CALHM4: variants seen among roughly 807,000 people sequenced by gnomAD.
CALHM4 encodes the protein calcium homeostasis modulator protein 4.
A neutral mutation model predicts 13.3 loss-of-function variants in CALHM4; 16 were observed. The ratio of observed to expected loss-of-function variants is 1.20; its 90% CI spans 0.81 to 1.82. The LOEUF is 1.82. Ranked by LOEUF, CALHM4 falls within the 40% of genes most tolerant of loss-of-function variation. The pLI is 0.00. For synonymous variants in CALHM4, 127 were observed against 137.1 expected, an observed-to-expected ratio of 0.93 and a Z score of 0.52; for missense variants, 344 against 374.9, an observed-to-expected ratio of 0.92 and a Z score of 0.68.
At chr6:116,540,581 A>C in intron 1 of CALHM4, 1 of 977,580 alleles carries the variant, frequency 1.0e-6, no homozygotes, top group Non-Finnish European at 1.5e-6. Context: ...ATCAAACCAA[A>C]TATGACGAGT....
intron 1 of CALHM4, among the ~76,000 whole-genome samples, chr6:116,541,675 TTAAC>T (rs1161496899): frequency 6.6e-6 from 1 of 152,212 alleles, no homozygotes; most frequent in Non-Finnish European, 1.5e-5. Context: ...GCAAAGACTT[TTAAC>T]AATCAAAATG....
chr6:116,538,579 T>C (rs1043812467), intron 1 of CALHM4, among the ~76,000 whole-genome samples: 2 of 152,228 alleles, frequency 1.3e-5, no homozygotes, highest in African/African-American at 2.4e-5. Flanking sequence ...GTCTCCAAAT[T>C]GCCCTTGAAA....
chr6:116,550,417 G>C (rs1277724670), upstream of CALHM4, among the ~76,000 whole-genome samples: 1 of 151,954 alleles, frequency 6.6e-6, no homozygotes, highest in Non-Finnish European at 1.5e-5. Context: ...GAAGTGCCAG[G>C]GTAATTTTCC....
intron 1 of CALHM4, chr6:116,543,364 C>A: frequency 6.5e-7 from 1 of 1,549,878 alleles, no homozygotes. Flanking sequence ...AGCTGGGCAA[C>A]CAGAGCTCCA....
chr6:116,541,364 T>C (rs1282691653), intron 1 of CALHM4, among the ~76,000 whole-genome samples: 1 of 152,154 alleles, frequency 6.6e-6, no homozygotes, highest in Non-Finnish European at 1.5e-5. Flanking sequence ...TCAAAATTGG[T>C]CTTTTAATTT....
rs563216663 is a variant in CALHM4, at chr6:116,541,930, A to AT, written c.-108-1828dup. On this transcript the variant is annotated intron_variant, in intron 1 of 2. Coordinates refer to the CALHM4 transcript ENST00000368597. ...AGCTATTAAGGAAATCTAAATGTGA[A>AT]TTTTTTTCTTAAGGAAAGATCTTTC... Among the ~76,000 whole-genome samples the AT allele has an allele frequency of 1.4e-3, 209 of 152,220 alleles. 1 individual carries two copies. Among genetic ancestry groups the AT allele is most frequent in the African/African-American group, 4.4e-3 (184 of 41,556 alleles).
intron 1 of CALHM4, among the ~76,000 whole-genome samples, chr6:116,557,230 C>T (rs867035193): frequency 6.6e-6 from 1 of 152,132 alleles, no homozygotes; most frequent in South Asian, 2.1e-4. Context: ...AGCCACCACA[C>T]CCAGCCAACT....
At chr6:116,548,290 C>T (rs1773900565) in intron 2 of CALHM4, among the ~76,000 whole-genome samples, 1 of 152,154 alleles carries the variant, frequency 6.6e-6, no homozygotes, top group Non-Finnish European at 1.5e-5. Context: ...ATGCCAGCAC[C>T]TTGATCTTGT....
chr6:116,544,151 A>AAGAGAGAGAGAGAGAG (rs141606346), intron 2 of CALHM4, among the ~76,000 whole-genome samples: 4,930 of 132,466 alleles, frequency 0.037, 169 homozygotes, highest in Admixed American at 0.077. Flanking sequence ...AAAGGTGAAG[A>AAGAGAGAGAGAGAGAG]AGAGAGAGAG....
Position 116,554,365 on chromosome 6 carries a change from A to T in CALHM4, c.558+14A>T, listed in dbSNP as rs1327617315. 2.7e-6 allele frequency: 4 copies of T among 1,508,884 alleles called. No individual in the cohort carries two copies. Among genetic ancestry groups the T allele is most frequent in the Non-Finnish European group, 3.5e-6 (4 of 1,131,044 alleles). 93.5% of individuals were successfully genotyped at this position (1,508,884 alleles called of 1,614,324 possible). A position where few individuals can be genotyped will look rare whatever the true frequency, so the allele number is the denominator to read the frequency against. On this transcript the variant is annotated intron_variant, in intron 1 of 1. Coordinates refer to ENST00000368596, the MANE Select transcript of CALHM4 (RefSeq NM_001366078.2). ...TACCAGTCACAGGTAAGTTTTTAGA[A>T]TTTTTTTCCCTCTGCTATGTTATCC...
chr6:116,534,576 C>T (rs1772955797), intron 1 of CALHM4, among the ~76,000 whole-genome samples: 1 of 152,128 alleles, frequency 6.6e-6, no homozygotes, highest in African/African-American at 2.4e-5. Context: ...AAAAATTCCC[C>T]CTGCTATTCT....
chr6:116,543,755 A>G lies in CALHM4; in HGVS notation c.-108-10A>G, dbSNP rs573709628. ...TGTTTTTCTAAAATATATGCCATCC[A>G]TGTTTTCAGTTGGAAGCAAGAATTG... On this transcript the variant is annotated splice_polypyrimidine_tract_variant and intron_variant, in intron 1 of 2. Transcript: ENST00000368597. 8.0e-6 allele frequency: 11 copies of G among 1,366,772 alleles called. No individual in the cohort carries two copies. In the African/African-American group the frequency reaches 1.2e-4, roughly 14 times the overall value. 84.7% of individuals were successfully genotyped at this position (1,366,772 alleles called of 1,614,324 possible).
exon 2 of CALHM4, chr6:116,543,860 T>C (rs1294481872): frequency 1.4e-5 from 22 of 1,533,708 alleles, no homozygotes; most frequent in Non-Finnish European, 1.7e-5. Context: ...AACCCAAATG[T>C]AGCAGCAAAT....
Position 116,545,478 on chromosome 6 carries a change from T to A in CALHM4, c.-1+1606T>A, listed in dbSNP as rs555972866. On this transcript the variant is annotated intron_variant, in intron 2 of 2. Coordinates refer to the CALHM4 transcript ENST00000368597. ...TCTTTGTAGAAAGATCTTACTATTT[T>A]ATGGTATTCTGGTCTTCGGTGTGCA... 1.2e-5 allele frequency: 18 copies of A among 1,546,582 alleles called. No homozygotes were observed. In the South Asian group the frequency reaches 2.2e-4, roughly 19 times the overall value.
chr6:116,533,671 G>A (rs1472451953), intron 1 of CALHM4, among the ~76,000 whole-genome samples: 2 of 152,200 alleles, frequency 1.3e-5, no homozygotes, highest in Non-Finnish European at 2.9e-5. Context: ...TGCCCTACTT[G>A]TAACGCTAGA....
Position 116,554,009 on chromosome 6 carries a change from C to A in CALHM4, c.216C>A (p.Ser72Arg), listed in dbSNP as rs1774196047. ...TCGTTGCTGGCTTTGCTCTGAGAAG[C>A]CAAATGTGGACAATTACCGGTGAAT... ...ILLVAGFALRSQMWTITGEYC... is the reference protein window; with the variant it reads ...ILLVAGFALRRQMWTITGEYC... Residue 72 changes from serine (S) to arginine (R), a missense_variant, in exon 1 of 2, where the codon AGC becomes AGA. Coordinates refer to ENST00000368596, the MANE Select transcript of CALHM4 (RefSeq NM_001366078.2). The A allele has an allele frequency of 3.2e-6, 5 of 1,550,652 alleles. No individual in the cohort carries two copies. Among genetic ancestry groups the A allele is most frequent in the Admixed American group, 2.0e-5 (1 of 50,990 alleles).
intron 1 of CALHM4, among the ~76,000 whole-genome samples, chr6:116,540,003 A>C (rs921396925): frequency 1.3e-5 from 2 of 152,150 alleles, no homozygotes; most frequent in African/African-American, 4.8e-5. Flanking sequence ...ACTACCAAAA[A>C]CCATCTCCCT....
chr6:116,531,083 C>T (rs1158301061), intron 1 of CALHM4, among the ~76,000 whole-genome samples: 3 of 151,876 alleles, frequency 2.0e-5, no homozygotes, highest in Non-Finnish European at 4.4e-5. Flanking sequence ...TCTAATTATC[C>T]TGCCATTCTG....
At chr6:116,536,869 T>C (rs1773128166) in intron 1 of CALHM4, among the ~76,000 whole-genome samples, 1 of 152,212 alleles carries the variant, frequency 6.6e-6, no homozygotes, top group African/African-American at 2.4e-5. Context: ...CTGTATCATT[T>C]GACATCTGCC....
Sources: allele counts gnomAD v4.1 joint callset (sites outside exome capture counted in the v4.1 genomes callset), GRCh38; gene constraint gnomAD v4.1.1; transcripts MANE v1.5; gene names NCBI Gene and HGNC (gene_info 2026-07-23, HGNC 2026-07-21).